NARS2: variants seen among roughly 807,000 people sequenced by gnomAD.
NARS2 encodes asparaginyl-tRNA synthetase 2, mitochondrial.
Under a neutral mutation model 62.9 loss-of-function variants are expected in NARS2, and 60 were observed. That is an observed-to-expected ratio of 0.95 (90% CI 0.77 to 1.18). The LOEUF is 1.18. Among genes scored for constraint, NARS2 ranks in the 50% most tolerant of loss-of-function variants. The probability of loss-of-function intolerance (pLI) is 0.00; values close to 1 mark genes in which losing one functional copy is unlikely to be tolerated. For missense variants in NARS2, 619 were observed against 576.4 expected (o/e 1.07, Z -0.76); for synonymous variants, 196 against 200.0 (o/e 0.98, Z 0.17).
At chr11:78,438,756 T>C (rs374918924) in intron 13 of NARS2, among the ~76,000 whole-genome samples, 10 of 152,262 alleles carry the variant, frequency 6.6e-5, no homozygotes, top group African/African-American at 2.4e-4. Context: ...GCATATGGGG[T>C]ACAGAAATAG....
chr11:78,445,250 T>C (rs1294772692), intron 11 of NARS2, among the ~76,000 whole-genome samples: 1 of 152,200 alleles, frequency 6.6e-6, no homozygotes, highest in Non-Finnish European at 1.5e-5. Context: ...TAGCTTAATA[T>C]TTTAATTTGT....
intron 11 of NARS2, among the ~76,000 whole-genome samples, chr11:78,456,234 G>A (rs755735969): frequency 6.6e-6 from 1 of 152,152 alleles, no homozygotes; most frequent in Non-Finnish European, 1.5e-5. Flanking sequence ...GACACACTGG[G>A]AAGACTGAAA....
intron 13 of NARS2, among the ~76,000 whole-genome samples, chr11:78,439,360 G>C (rs1262623924): frequency 6.6e-6 from 1 of 151,964 alleles, no homozygotes; most frequent in African/African-American, 2.4e-5. Context: ...TTTTTTTAAG[G>C]CTAGTGGTTT....
intron 6 of NARS2, among the ~76,000 whole-genome samples, chr11:78,526,441 A>C (rs1482059821): frequency 6.6e-6 from 1 of 152,112 alleles, no homozygotes; most frequent in Non-Finnish European, 1.5e-5. Context: ...GCCTTTTACA[A>C]AGTCTGTTAA....
At chr11:78,524,433 G>A (rs903006285) in intron 6 of NARS2, among the ~76,000 whole-genome samples, 1 of 152,040 alleles carries the variant, frequency 6.6e-6, no homozygotes, top group Non-Finnish European at 1.5e-5. Flanking sequence ...CCTAAAATAT[G>A]CTTGACTTCA....
chr11:78,542,853 C>G (rs948223591), intron 5 of NARS2, among the ~76,000 whole-genome samples: 1 of 152,188 alleles, frequency 6.6e-6, no homozygotes, highest in Non-Finnish European at 1.5e-5. Flanking sequence ...CAGCCATGAT[C>G]GCTGGCTCAT....
chr11:78,441,341 T>C (rs575813946), intron 12 of NARS2, among the ~76,000 whole-genome samples: 11 of 152,266 alleles, frequency 7.2e-5, no homozygotes, highest in African/African-American at 2.6e-4. Flanking sequence ...ATAAATGTTA[T>C]AGAAAGAAAA....
chr11:78,473,742 T>C (rs1211071897), intron 9 of NARS2, among the ~76,000 whole-genome samples: 1 of 152,270 alleles, frequency 6.6e-6, no homozygotes, highest in East Asian at 1.9e-4. Context: ...TACACTTCTT[T>C]GTAAATTCTC....
intron 7 of NARS2, among the ~76,000 whole-genome samples, chr11:78,480,938 C>T (rs1158170233): frequency 6.6e-6 from 1 of 151,960 alleles, no homozygotes; most frequent in African/African-American, 2.4e-5. Flanking sequence ...CCTACCTCAG[C>T]CTCCTGAGTA....
intron 11 of NARS2, among the ~76,000 whole-genome samples, chr11:78,445,708 G>A (rs1277949423): frequency 6.6e-6 from 1 of 152,160 alleles, no homozygotes; most frequent in African/African-American, 2.4e-5. Context: ...TTGGCTACTT[G>A]GGAAGCTGAG....
chr11:78,571,216 A>C, intron 2 of NARS2, 119 bp downstream of exon 2: 1 of 641,450 alleles, frequency 1.6e-6, no homozygotes, highest in South Asian at 1.9e-5. Flanking sequence ...AAAGCTATTA[A>C]AGCAGATCTG....
chr11:78,470,234 C>T (rs1296753644), intron 9 of NARS2, among the ~76,000 whole-genome samples: 1 of 152,186 alleles, frequency 6.6e-6, no homozygotes, highest in Non-Finnish European at 1.5e-5. Context: ...CTCCATGAGA[C>T]ACCCTCATGC....
intron 9 of NARS2, among the ~76,000 whole-genome samples, chr11:78,469,890 T>G (rs1858796287): frequency 6.6e-6 from 1 of 152,178 alleles, no homozygotes; most frequent in Non-Finnish European, 1.5e-5. Context: ...GGTGCCATTT[T>G]AGATATGATG....
At chr11:78,440,694 G>A (rs530220375) in intron 13 of NARS2, among the ~76,000 whole-genome samples, 29 of 151,692 alleles carry the variant, frequency 1.9e-4, no homozygotes, top group African/African-American at 6.5e-4. Context: ...CACCATACCC[G>A]GCTAATTTTT....
intron 6 of NARS2, among the ~76,000 whole-genome samples, chr11:78,493,474 T>C (rs770881672): frequency 3.9e-5 from 6 of 151,958 alleles, no homozygotes; most frequent in Admixed American, 2.6e-4. Context: ...CTGGGAAACA[T>C]GGTGAAAATT....
At chr11:78,547,935 G>A (rs977031930) in intron 5 of NARS2, among the ~76,000 whole-genome samples, 5 of 147,032 alleles carry the variant, frequency 3.4e-5, no homozygotes, top group Admixed American at 6.8e-5. Flanking sequence ...ACAGGCTATA[G>A]TAGGCCAGGC....
Position 78,571,357 on chromosome 11 carries a change from CA to C in NARS2, c.228del (p.Ala77GlnfsTer10), listed in dbSNP as rs755924313. On this transcript the variant is annotated frameshift_variant, in exon 2 of 14. Coordinates refer to ENST00000281038, the MANE Select transcript of NARS2 (RefSeq NM_024678.6). LOFTEE classifies it high-confidence loss of function. ...CACCTACTGTCAAGGCCTGAATCTG[CA>C]ACAACCTGAAGGCTTTCCAAAGATG... ...DGSSLESLQV[V>X]ADSGLDSREL... 1.2e-6 allele frequency: 2 copies of C among 1,613,064 alleles called. No individual in the cohort carries two copies. Among genetic ancestry groups the C allele is most frequent in the African/African-American group, 2.7e-5 (2 of 74,782 alleles).
At chr11:78,573,849 C>T (rs1483639458) in intron 1 of NARS2, among the ~76,000 whole-genome samples, 3 of 152,194 alleles carry the variant, frequency 2.0e-5, no homozygotes, top group African/African-American at 7.2e-5. Context: ...CAAACTGCTA[C>T]ATTCCAGTCT....
At chr11:78,438,512 T>C (rs1390837055) in intron 13 of NARS2, among the ~76,000 whole-genome samples, 1 of 152,200 alleles carries the variant, frequency 6.6e-6, no homozygotes, top group Non-Finnish European at 1.5e-5. Context: ...TGGGTCTAAA[T>C]TTCTCATACA....
Sources: allele counts gnomAD v4.1 joint callset (sites outside exome capture counted in the v4.1 genomes callset), GRCh38; gene constraint gnomAD v4.1.1; transcripts MANE v1.5; gene names NCBI Gene and HGNC (gene_info 2026-07-23, HGNC 2026-07-21).